NBAS: variants seen among roughly 807,000 people sequenced by gnomAD.
The protein encoded by NBAS is NAG/BC035112 fusion.
NBAS carries 219 observed loss-of-function variants against 302.5 expected under a neutral mutation model. The observed-to-expected ratio is 0.72, with a 90% CI of 0.65 to 0.81. The LOEUF is 0.81. Among genes scored for constraint, NBAS ranks in the 30% least tolerant of loss-of-function variants. The pLI, the probability that NBAS is intolerant of heterozygous loss-of-function variation, is 0.00. For synonymous variants in NBAS, 1,118 were observed against 1,021.6 expected (o/e 1.09, Z -1.80); for missense variants, 2,932 against 2,841.6 (o/e 1.03, Z -0.72).
intron 38 of NBAS, among the ~76,000 whole-genome samples, chr2:15,315,113 T>G (rs1286066667): frequency 6.6e-6 from 1 of 152,204 alleles, no homozygotes; most frequent in Non-Finnish European, 1.5e-5. Context: ...TGTCACAATC[T>G]GTACAATCAT....
chr2:14,843,212 T>C, the NBAS span, among the ~76,000 whole-genome samples: 1 of 152,130 alleles, frequency 6.6e-6, no homozygotes, highest in African/African-American at 2.4e-5. Flanking sequence ...GCTGACATAA[T>C]ACTGAACTTG....
chr2:15,078,321 C>T, the NBAS span, among the ~76,000 whole-genome samples: 1 of 152,162 alleles, frequency 6.6e-6, no homozygotes, highest in Non-Finnish European at 1.5e-5. Context: ...CTATTATAAA[C>T]ATAATGGGCA....
the NBAS span, among the ~76,000 whole-genome samples, chr2:15,118,860 C>T: frequency 3.3e-5 from 5 of 152,214 alleles, no homozygotes; most frequent in South Asian, 2.1e-4. Context: ...ATAATAAACA[C>T]GGTTGTCTTC....
At chr2:15,011,594 G>A in the NBAS span, among the ~76,000 whole-genome samples, 1 of 151,940 alleles carries the variant, frequency 6.6e-6, no homozygotes, top group Non-Finnish European at 1.5e-5. Flanking sequence ...ACCCCTCCAG[G>A]CTGACTTAGC....
intron 9 of NBAS, among the ~76,000 whole-genome samples, chr2:15,530,954 C>T (rs1056036048): frequency 2.6e-5 from 4 of 151,706 alleles, no homozygotes; most frequent in Non-Finnish European, 4.4e-5. Context: ...AAGAAAGAAA[C>T]ATGGATTTTA....
chr2:15,086,676 C>T, the NBAS span, among the ~76,000 whole-genome samples: 2 of 152,190 alleles, frequency 1.3e-5, no homozygotes, highest in Non-Finnish European at 2.9e-5. Context: ...GCTTGCAGTG[C>T]TCCTGGTCCA....
intron 28 of NBAS, among the ~76,000 whole-genome samples, chr2:15,392,553 A>G (rs1207264644): frequency 6.6e-6 from 1 of 152,056 alleles, no homozygotes; most frequent in African/African-American, 2.4e-5. Flanking sequence ...AAAATACTTA[A>G]GAATAATTTA....
At chr2:15,121,898 T>C in the NBAS span, among the ~76,000 whole-genome samples, 1 of 152,218 alleles carries the variant, frequency 6.6e-6, no homozygotes. Flanking sequence ...TTGAATTATG[T>C]TTTACTTATC....
At position 15,356,917 on chromosome 2, in the gene NBAS, G is replaced by A. The variant is rs558734852; in HGVS notation, c.3818-501C>T. Among the ~76,000 whole-genome samples, 9 of 152,288 alleles carry A rather than the reference G, an allele frequency of 5.9e-5. No homozygotes were observed. The East Asian group carries it at 1.7e-3, about 29-fold the overall frequency. On this transcript the variant is annotated intron_variant, in intron 32 of 51. Transcript: ENST00000281513. The stretch of plus-strand genomic sequence containing the variant: ...AAAGATTGTTCCTTAACAAATTCTC[G>A]TTGGGCTCCTCTGAGCCTTACTGGG...
intron 48 of NBAS, among the ~76,000 whole-genome samples, chr2:15,217,540 A>T (rs759849465): frequency 3.3e-5 from 5 of 152,246 alleles, no homozygotes; most frequent in Admixed American, 1.3e-4. Context: ...CGGTAGAATG[A>T]GTTGCAGTTA....
At chr2:15,109,534 C>A in the NBAS span, among the ~76,000 whole-genome samples, 1 of 152,128 alleles carries the variant, frequency 6.6e-6, no homozygotes, top group Non-Finnish European at 1.5e-5. Context: ...AACAGAATGC[C>A]ATAGACTGGG....
chr2:14,986,000 G>T, the NBAS span, among the ~76,000 whole-genome samples: 1 of 152,072 alleles, frequency 6.6e-6, no homozygotes, highest in African/African-American at 2.4e-5. Context: ...TAAAACTATG[G>T]CCAGAGCCAC....
intron 45 of NBAS, 76 bp from the exon 46 acceptor site, chr2:15,234,823 T>C: frequency 2.1e-6 from 3 of 1,459,946 alleles, no homozygotes; most frequent in Non-Finnish European, 2.9e-6. Context: ...GTGAAACATA[T>C]TTAGATCCTC....
the NBAS span, among the ~76,000 whole-genome samples, chr2:14,856,190 A>T: frequency 1.3e-5 from 2 of 152,218 alleles, no homozygotes; most frequent in Non-Finnish European, 2.9e-5. Flanking sequence ...CTTGTCCAAG[A>T]CAATCAAGGC....
intron 21 of NBAS, among the ~76,000 whole-genome samples, chr2:15,431,363 A>T (rs1677756058): frequency 6.6e-6 from 1 of 152,202 alleles, no homozygotes; most frequent in African/African-American, 2.4e-5. Context: ...ACCAAACTTT[A>T]GGCATTTGAA....
At chr2:15,193,005 C>T (rs1261752783) in intron 48 of NBAS, among the ~76,000 whole-genome samples, 5 of 152,080 alleles carry the variant, frequency 3.3e-5, no homozygotes, top group Admixed American at 2.6e-4. Context: ...TAAACTATAT[C>T]ATAAGGGAAG....
chr2:15,350,364 G>C (rs1227352425), intron 35 of NBAS, among the ~76,000 whole-genome samples: 1 of 152,162 alleles, frequency 6.6e-6, no homozygotes, highest in Non-Finnish European at 1.5e-5. Flanking sequence ...TTTACACTGT[G>C]AAAGTGAAGC....
the NBAS span, among the ~76,000 whole-genome samples, chr2:14,960,123 T>C: frequency 6.6e-6 from 1 of 152,208 alleles, no homozygotes; most frequent in Non-Finnish European, 1.5e-5. Flanking sequence ...AACATTTCTG[T>C]AAGTGTAAGA....
At chr2:15,257,241 T>C (rs1668641373) in intron 44 of NBAS, among the ~76,000 whole-genome samples, 1 of 152,190 alleles carries the variant, frequency 6.6e-6, no homozygotes, top group African/African-American at 2.4e-5. Flanking sequence ...ATTTGTCTGT[T>C]CAGAGTTTCT....
Sources: allele counts gnomAD v4.1 joint callset (sites outside exome capture counted in the v4.1 genomes callset), GRCh38; gene constraint gnomAD v4.1.1; transcripts MANE v1.5; gene names NCBI Gene and HGNC (gene_info 2026-07-23, HGNC 2026-07-21).